Variants in SRRM1 observed in about 807,000 individuals in gnomAD.
SRRM1 encodes serine and arginine repetitive matrix 1.
SRRM1 carries 19 observed loss-of-function variants against 110.2 expected under a neutral mutation model. That is an observed-to-expected ratio of 0.17 (90% CI 0.12 to 0.25). The LOEUF is 0.25. SRRM1 is among the 10% of genes least tolerant of loss of function. The pLI is 1.00. For synonymous variants in SRRM1, 443 were observed against 414.9 expected, an observed-to-expected ratio of 1.07 and a Z score of -0.82; for missense variants, 918 against 1,145.8, an observed-to-expected ratio of 0.80 and a Z score of 2.87.
chr1:24,665,485 G>A (rs966742826), intron 12 of SRRM1, among the ~76,000 whole-genome samples: 8 of 150,590 alleles, frequency 5.3e-5, no homozygotes, highest in South Asian at 2.1e-4. Context: ...AGGCCGAGGC[G>A]GGTGGTTCAC....
intron 5 of SRRM1, among the ~76,000 whole-genome samples, chr1:24,650,797 A>G (rs1660203311): frequency 6.6e-6 from 1 of 152,206 alleles, no homozygotes; most frequent in Non-Finnish European, 1.5e-5. Context: ...ACAAATTGTC[A>G]TGGTGGTAAC....
At chr1:24,653,694 A>G (rs1425841527) in intron 8 of SRRM1, among the ~76,000 whole-genome samples, 3 of 152,144 alleles carry the variant, frequency 2.0e-5, no homozygotes, top group Non-Finnish European at 4.4e-5. Context: ...TGGATATATC[A>G]CTTTAAACAA....
chr1:24,653,356 A>C (rs1662143981), intron 8 of SRRM1, among the ~76,000 whole-genome samples: 1 of 152,204 alleles, frequency 6.6e-6, no homozygotes, highest in Non-Finnish European at 1.5e-5. Flanking sequence ...GGCTTCTGAA[A>C]AGTAGCTGAT....
chr1:24,649,912 G>A, intron 4 of SRRM1, 59 bp from the exon 5 acceptor site: 1 of 1,441,134 alleles, frequency 6.9e-7, no homozygotes, highest in Non-Finnish European at 9.2e-7. Context: ...GTAGAAAGTA[G>A]TCTTCAGTTT....
At chr1:24,654,359 A>T (rs1310117036) in intron 8 of SRRM1, 15 of 1,289,396 alleles carry the variant, frequency 1.2e-5, no homozygotes, top group Admixed American at 2.3e-5. Flanking sequence ...CATAATTGCA[A>T]CAGAACTTAA....
Position 24,669,348 on chromosome 1 carries a change from A to T in SRRM1, c.1965A>T (p.Ser655=). The change falls in exon 14 of 17, where the codon TCA becomes TCT. Residue 655 remains serine (S), a synonymous_variant. Transcript: ENST00000323848. ...SSPVTKRRSP[S]LSSKHRKGSS... The stretch of plus-strand genomic sequence containing the variant: ...CAGTCACCAAGAGACGTTCACCTTC[A>T]TTATCATCCAAGCATAGGAAAGGGT... 1 of 1,614,156 alleles carries T rather than the reference A, an allele frequency of 6.2e-7. No homozygotes were observed. Among genetic ancestry groups the T allele is most frequent in the African/African-American group, 1.3e-5 (1 of 75,026 alleles).
In SRRM1 at chr1:24,649,958, C is replaced by T; in HGVS notation, c.406-13C>T. On this transcript the variant is annotated splice_polypyrimidine_tract_variant and intron_variant, in intron 4 of 16. Coordinates refer to ENST00000323848, the MANE Select transcript of SRRM1 (RefSeq NM_005839.4). ...GTTCAACTATGTGTATTTTGAAAAC[C>T]TGGTCTTTGCAGATTGAACAAGAAA... The T allele has an allele frequency of 6.4e-7, 1 of 1,552,068 alleles. No homozygotes were observed. The highest frequency in any genetic ancestry group is 8.7e-7 in the Non-Finnish European group (1 of 1,153,464).
At chr1:24,647,384 G>A (rs972702823) in intron 3 of SRRM1, 1 of 152,470 alleles carries the variant, frequency 6.6e-6, no homozygotes, top group Non-Finnish European at 1.5e-5. Flanking sequence ...AGGAACTAAG[G>A]TCTTTGTAGC....
At chr1:24,663,614 G>T (rs1668340252) in intron 12 of SRRM1, among the ~76,000 whole-genome samples, 1 of 151,730 alleles carries the variant, frequency 6.6e-6, no homozygotes, top group Non-Finnish European at 1.5e-5. Context: ...GGAGGGCAAG[G>T]AAAAACTAGG....
rs1235754224 is a variant in SRRM1, at chr1:24,648,864, A to G, written c.240A>G (p.Pro80=). ...CCTGTCGTGTCTTTTTGCAGAATCC[A>G]GACTCCAAAATGATGCAAATCAACC... ...FIFNQLEVKN[P]DSKMMQINLT... is the part of the protein sequence containing the mutation. The change falls in exon 4 of 17, where the codon CCA becomes CCG. Residue 80 remains proline, a synonymous_variant. Transcript: ENST00000323848. The G allele has an allele frequency of 6.2e-7, 1 of 1,609,614 alleles. No homozygotes were observed. Among genetic ancestry groups the G allele is most frequent in the African/African-American group, 1.3e-5 (1 of 74,578 alleles).
Position 24,669,419 on chromosome 1 carries a change from A to G in SRRM1, c.2036A>G (p.Asn679Ser). Residue 679 changes from asparagine to serine, a missense_variant, in exon 14 of 17, where the codon AAC (asparagine) becomes AGC (serine). Around this residue, in one of 5 missense-constraint regions of SRRM1, gnomAD observed 357 missense variants for 402.9 expected, o/e 0.89. Coordinates refer to ENST00000323848, the MANE Select transcript of SRRM1 (RefSeq NM_005839.4). ...STREARSPQP[N>S]KRHSPSPRPR... ...CGGGAGGCCCGATCACCACAACCAA[A>G]CAAACGGCATTCGCCCTCACCACGG... The G allele has an allele frequency of 2.5e-6, 4 of 1,614,030 alleles. No individual in the cohort carries two copies. Among genetic ancestry groups the G allele is most frequent in the East Asian group, 2.2e-5 (1 of 44,866 alleles).
intron 15 of SRRM1, among the ~76,000 whole-genome samples, chr1:24,670,803 T>C (rs1439718296): frequency 6.6e-6 from 1 of 152,234 alleles, no homozygotes; most frequent in Non-Finnish European, 1.5e-5. Context: ...GCAAGCTAAC[T>C]TGTGAGGAAT....
At position 24,669,134 on chromosome 1, in the gene SRRM1, C is replaced by T. The variant is rs774468714; in HGVS notation, c.1751C>T (p.Pro584Leu). 2.5e-6 allele frequency: 4 copies of T among 1,606,536 alleles called. No homozygotes were observed. In the African/African-American group the frequency reaches 4.0e-5, roughly 16 times the overall value. The change falls in exon 14 of 17, where the codon CCT (proline) becomes CTT (leucine). Residue 584 changes from proline to leucine, a missense_variant. By Grantham distance (98) the Pro-to-Leu change is moderately conservative. Around this residue, in one of 5 missense-constraint regions of SRRM1, gnomAD observed 357 missense variants for 402.9 expected, o/e 0.89. Coordinates refer to ENST00000323848, the MANE Select transcript of SRRM1 (RefSeq NM_005839.4). Reference protein sequence around the residue: ...TPPPRRRTPSPPPRRRSPSPR... With the variant: ...TPPPRRRTPSLPPRRRSPSPR... ...TATCTTTTTCCTAGGACTCCTTCTC[C>T]TCCCCCACGTCGGCGCTCACCTTCT...
Position 24,665,140 on chromosome 1 carries a change from A to G in SRRM1, c.1629-1675A>G, listed in dbSNP as rs925525903. Among the ~76,000 whole-genome samples, 7 of 152,200 alleles carry G rather than the reference A, an allele frequency of 4.6e-5. 1 individual carries two copies. The highest frequency in any genetic ancestry group is 1.7e-4 in the African/African-American group (7 of 41,446). On this transcript the variant is annotated intron_variant, in intron 12 of 16. Transcript: ENST00000323848. ...TCAGTATCGTATTTTAGAAGGGGAG[A>G]TAGAGGCCGGGTGCGGTGGCTCATG...
intron 6 of SRRM1, among the ~76,000 whole-genome samples, chr1:24,652,056 ATATAT>A (rs1361355654): frequency 7.5e-6 from 1 of 133,770 alleles, no homozygotes; most frequent in African/African-American, 2.8e-5. Flanking sequence ...ATATATATAT[ATATAT>A]ATGTACACAC....
chr1:24,663,025 T>C (rs1668063877), intron 12 of SRRM1: 2 of 900,858 alleles, frequency 2.2e-6, no homozygotes, highest in South Asian at 1.9e-5. Context: ...ATGTCATATA[T>C]GTGTGCATGA....
chr1:24,664,893 A>G (rs879810369), intron 12 of SRRM1, among the ~76,000 whole-genome samples: 1 of 77,712 alleles, frequency 1.3e-5, no homozygotes, highest in African/African-American at 4.8e-5. Context: ...CCACCCCCCC[A>G]CCAAATTATG....
rs567308780 is a variant in SRRM1 at position 24,672,943 on chromosome 1, C to G, written c.*657C>G. The G allele has an allele frequency of 3.9e-5, 6 of 152,430 alleles. No homozygotes were observed. Among genetic ancestry groups the G allele is most frequent in the Non-Finnish European group, 8.8e-5 (6 of 68,046 alleles). 9.4% of individuals were successfully genotyped at this position (152,430 alleles called of 1,614,324 possible). A position where few individuals can be genotyped will look rare whatever the true frequency, so the allele number is the denominator to read the frequency against. Reference sequence around the variant, plus strand: ...AAGTTGATTTGGAACACTGGACTCTCATTCTGTTATTCTGGTTTTGTTTTT... The same window carrying G: ...AAGTTGATTTGGAACACTGGACTCTGATTCTGTTATTCTGGTTTTGTTTTT... On this transcript the variant is annotated 3_prime_UTR_variant, in exon 17 of 17. Transcript: ENST00000323848.
rs1353918927 is a variant in SRRM1 at position 24,649,678 on chromosome 1, CTTTTTTATTTTA to C, written c.406-281_406-270del. ...ATAAGGTCAATGTGAAAGTGATTTT[CTTTTTTATTTTA>C]TTTTTTATTTTTATTTTTATTTTTT... On this transcript the variant is annotated intron_variant, in intron 4 of 16. Transcript: ENST00000323848. 7.9e-5 allele frequency among the ~76,000 whole-genome samples: 12 copies of C among 152,232 alleles called. No homozygotes were observed. In the East Asian group the frequency reaches 2.3e-3, roughly 29 times the overall value.
Sources: allele counts gnomAD v4.1 joint callset (sites outside exome capture counted in the v4.1 genomes callset), GRCh38; gene constraint gnomAD v4.1.1; regional missense constraint gnomAD v4.1.1; transcripts MANE v1.5; gene names NCBI Gene and HGNC (gene_info 2026-07-23, HGNC 2026-07-21).